Variants in DLGAP2 observed in about 807,000 individuals in gnomAD.
DLGAP2 encodes the protein DLG associated protein 2.
In DLGAP2, 26 loss-of-function variants were observed where a neutral mutation model predicts 100.3. That is an observed-to-expected ratio of 0.26 (90% CI 0.19 to 0.36). The LOEUF is 0.36. Among genes scored for constraint, DLGAP2 ranks in the 10% least tolerant of loss-of-function variants. The pLI, the probability that DLGAP2 is intolerant of heterozygous loss-of-function variation, is 1.00. For missense variants in DLGAP2, 1,858 were observed against 1,453.2 expected, an observed-to-expected ratio of 1.28 and a Z score of -4.53; for synonymous variants, 886 against 630.1, an observed-to-expected ratio of 1.41 and a Z score of -6.08.
rs555296336 is a variant in DLGAP2, at chr8:814,515, G to A, written c.18+76690G>A. ...GGATCCTGGATTCAGACCCTGATTCGGATCCCATAAACCAATATGCTATGT... is the reference window on the plus strand; with the variant it reads ...GGATCCTGGATTCAGACCCTGATTCAGATCCCATAAACCAATATGCTATGT... On this transcript the variant is annotated intron_variant, in intron 1 of 14. Coordinates refer to ENST00000637795, the MANE Select transcript of DLGAP2 (RefSeq NM_001346810.2). Among the ~76,000 whole-genome samples the A allele has an allele frequency of 3.0e-4, 45 of 152,126 alleles. No individual in the cohort carries two copies. In the South Asian group the frequency reaches 3.3e-3, roughly 11 times the overall value.
chr8:1,629,750 C>T (rs1022570128), intron 7 of DLGAP2, among the ~76,000 whole-genome samples: 6 of 152,186 alleles, frequency 3.9e-5, no homozygotes, highest in Non-Finnish European at 5.9e-5. Flanking sequence ...TTATCTCATC[C>T]GAGGTGTGAA....
rs930558941 is a variant in DLGAP2, at chr8:1,702,284, G to C, written c.*878G>C. 2 of 151,416 alleles carry C rather than the reference G, an allele frequency of 1.3e-5. No individual in the cohort carries two copies. Among genetic ancestry groups the C allele is most frequent in the Non-Finnish European group, 2.9e-5 (2 of 67,902 alleles). 9.4% of individuals were successfully genotyped at this position (151,416 alleles called of 1,614,324 possible). ...ATTTTCTTTAAGTTTCACCATTTACGCTACATGTGATTTTTTTAATGTATG... is the reference window on the plus strand; with the variant it reads ...ATTTTCTTTAAGTTTCACCATTTACCCTACATGTGATTTTTTTAATGTATG... On this transcript the variant is annotated 3_prime_UTR_variant, in exon 15 of 15. Transcript: ENST00000637795.
intron 2 of DLGAP2, among the ~76,000 whole-genome samples, chr8:931,499 G>A (rs1227032658): frequency 1.3e-5 from 2 of 152,200 alleles, no homozygotes; most frequent in African/African-American, 4.8e-5. Context: ...CTTCTGTTAA[G>A]AATCCCAGGT....
intron 3 of DLGAP2, among the ~76,000 whole-genome samples, chr8:1,362,906 CGTCT>C (rs777313671): frequency 1.1e-4 from 17 of 152,252 alleles, no homozygotes; most frequent in African/African-American, 3.6e-4. Flanking sequence ...TCGTCTTTCC[CGTCT>C]GTCTGTCTGT....
chr8:1,121,710 CCA>C (rs1465326376), intron 2 of DLGAP2, among the ~76,000 whole-genome samples: 1 of 84,990 alleles, frequency 1.2e-5, no homozygotes. Flanking sequence ...CCATGACCAC[CCA>C]TCCTTGTCCC....
intron 2 of DLGAP2, among the ~76,000 whole-genome samples, chr8:967,779 GTATATA>G (rs369439322): frequency 1.1e-4 from 2 of 17,864 alleles, no homozygotes; most frequent in African/African-American, 1.5e-4. Context: ...ATATATATAT[GTATATA>G]TATATATATA....
At chr8:836,880 C>T (rs1403318662) in intron 1 of DLGAP2, among the ~76,000 whole-genome samples, 2 of 152,238 alleles carry the variant, frequency 1.3e-5, no homozygotes, top group African/African-American at 2.4e-5. Flanking sequence ...GTTTTGCTTC[C>T]GTTCTGCCTC....
intron 2 of DLGAP2, among the ~76,000 whole-genome samples, chr8:933,348 A>G (rs1005899954): frequency 9.3e-5 from 14 of 151,176 alleles, no homozygotes; most frequent in African/African-American, 3.4e-4. Context: ...GGCTGTGGGC[A>G]TGAGGGGAGG....
intron 3 of DLGAP2, among the ~76,000 whole-genome samples, chr8:1,460,510 C>T (rs914419905): frequency 3.9e-5 from 6 of 152,182 alleles, no homozygotes; most frequent in East Asian, 1.9e-4. Flanking sequence ...CCCTCTGTCA[C>T]GGCTGCCTTC....
At chr8:862,384 C>T (rs1189466648) in intron 1 of DLGAP2, among the ~76,000 whole-genome samples, 1 of 151,712 alleles carries the variant, frequency 6.6e-6, no homozygotes, top group Admixed American at 6.6e-5. Flanking sequence ...CTCACTGCGG[C>T]CTCCGCCTTC....
At position 950,283 on chromosome 8, in the gene DLGAP2, A is replaced by T. The variant is rs1224952401; in HGVS notation, c.73+42317A>T. On this transcript the variant is annotated intron_variant, in intron 2 of 14. Coordinates refer to ENST00000637795, the MANE Select transcript of DLGAP2 (RefSeq NM_001346810.2). ...AATACAGCATGGCCCATTTTGCTTTATTTGATGATTGTGATACAATTTGAC... is the reference window on the plus strand; with the variant it reads ...AATACAGCATGGCCCATTTTGCTTTTTTTGATGATTGTGATACAATTTGAC... Among the ~76,000 whole-genome samples the T allele has an allele frequency of 2.6e-5, 4 of 152,320 alleles. No homozygotes were observed. The East Asian group carries it at 7.7e-4, about 29-fold the overall frequency.
At chr8:933,431 C>T (rs912884919) in intron 2 of DLGAP2, among the ~76,000 whole-genome samples, 3 of 137,882 alleles carry the variant, frequency 2.2e-5, no homozygotes, top group Non-Finnish European at 4.6e-5. Context: ...CAGTGGACAT[C>T]TGGCTGTGGG....
At chr8:1,088,157 C>A (rs571452126) in intron 2 of DLGAP2, among the ~76,000 whole-genome samples, 1 of 152,256 alleles carries the variant, frequency 6.6e-6, no homozygotes, top group Non-Finnish European at 1.5e-5. Flanking sequence ...GGTCCACCTT[C>A]CAGACGACTT....
chr8:1,572,703 G>A (rs1316324724), intron 6 of DLGAP2, among the ~76,000 whole-genome samples: 3 of 120,326 alleles, frequency 2.5e-5, no homozygotes, highest in African/African-American at 9.8e-5. Context: ...GACTGTGGGG[G>A]TGTCTGATGA....
At chr8:967,765 GTATATA>G (rs1262660337) in intron 2 of DLGAP2, among the ~76,000 whole-genome samples, 1 of 52,638 alleles carries the variant, frequency 1.9e-5, no homozygotes, top group Non-Finnish European at 3.7e-5. Flanking sequence ...ACAAAGAGGT[GTATATA>G]TATATATGTA....
intron 2 of DLGAP2, among the ~76,000 whole-genome samples, chr8:926,412 G>T (rs1049722951): frequency 6.6e-6 from 1 of 152,188 alleles, no homozygotes; most frequent in South Asian, 2.1e-4. Context: ...GGCAGGCCCT[G>T]CCTCCAGGTC....
At chr8:761,400 C>T (rs1821079178) in intron 1 of DLGAP2, among the ~76,000 whole-genome samples, 1 of 152,248 alleles carries the variant, frequency 6.6e-6, no homozygotes, top group Non-Finnish European at 1.5e-5. Flanking sequence ...TCTATTGCAT[C>T]ACGGATTTTG....
chr8:1,471,483 A>C (rs1798789267), intron 3 of DLGAP2, among the ~76,000 whole-genome samples: 1 of 151,368 alleles, frequency 6.6e-6, no homozygotes. Flanking sequence ...CCTCTGTCAG[A>C]GGCCTGTGCA....
chr8:898,731 A>C (rs1170854330), intron 1 of DLGAP2, among the ~76,000 whole-genome samples: 1 of 151,908 alleles, frequency 6.6e-6, no homozygotes, highest in Non-Finnish European at 1.5e-5. Context: ...TCTTTATCTC[A>C]CAAAGCACGT....
Sources: allele counts gnomAD v4.1 joint callset (sites outside exome capture counted in the v4.1 genomes callset), GRCh38; gene constraint gnomAD v4.1.1; transcripts MANE v1.5; gene names NCBI Gene and HGNC (gene_info 2026-07-23, HGNC 2026-07-21).